Variants in SLC13A5 observed in about 807,000 individuals in gnomAD.
SLC13A5 encodes the protein Na(+)/citrate cotransporter.
A neutral mutation model predicts 56.5 loss-of-function variants in SLC13A5; 25 were observed. The observed-to-expected ratio is 0.44, with a 90% CI of 0.32 to 0.62. The LOEUF (loss-of-function observed/expected upper bound fraction) is 0.62. Ranked by LOEUF, SLC13A5 falls within the 20% of genes least tolerant of loss-of-function variation. The pLI is 0.04. For missense variants in SLC13A5, 649 were observed against 737.8 expected, an observed-to-expected ratio of 0.88 and a Z score of 1.39; for synonymous variants, 307 against 301.5, an observed-to-expected ratio of 1.02 and a Z score of -0.19.
At chr17:6,706,381 C>A (rs775438248) in intron 3 of SLC13A5, among the ~76,000 whole-genome samples, 2 of 152,192 alleles carry the variant, frequency 1.3e-5, no homozygotes, top group African/African-American at 2.4e-5. Context: ...CCCCAGAAAG[C>A]CTTCCAAGCC....
chr17:6,686,056 G>A lies in SLC13A5; in HGVS notation c.*151C>T, dbSNP rs1160734285. 1.8e-6 allele frequency: 2 copies of A among 1,089,586 alleles called. No homozygotes were observed. Among genetic ancestry groups the A allele is most frequent in the Non-Finnish European group, 2.7e-6 (2 of 750,832 alleles). The allele number at this position is 1,089,586 out of a possible 1,614,324, so 67.5% of individuals were successfully genotyped here. The stretch of plus-strand genomic sequence containing the variant: ...ACCATCTCTGCATCTGGGCTTGGAG[G>A]AAGAGGTGGCCCATTGGCTGGGTTT... On this transcript the variant is annotated 3_prime_UTR_variant, in exon 12 of 12. Transcript: ENST00000433363.
intron 7 of SLC13A5, chr17:6,695,369 A>C: frequency 6.8e-5 from 13 of 192,278 alleles, no homozygotes; most frequent in Non-Finnish European, 1.1e-4. Context: ...TTTAGGCACT[A>C]GTGCACTAAG....
Position 6,707,069 on chromosome 17 carries a change from C to T in SLC13A5, c.190G>A (p.Val64Ile), listed in dbSNP as rs376024540. The T allele has an allele frequency of 6.2e-7, 1 of 1,614,088 alleles. No homozygotes were observed. The highest frequency in any genetic ancestry group is 1.3e-5 in the African/African-American group (1 of 75,050). ...IPLAVTSLMP[V>I]LLFPLFQILD... Reference sequence around the variant, plus strand: ...ATCTGGAAGAGTGGGAAAAGCAAGACAGGCATGAGAGAGGTGACAGCCAGA... The same window carrying T: ...ATCTGGAAGAGTGGGAAAAGCAAGATAGGCATGAGAGAGGTGACAGCCAGA... The change falls in exon 2 of 12, where the codon GTC (valine) becomes ATC (isoleucine). Residue 64 changes from valine to isoleucine, a missense_variant. Coordinates refer to ENST00000433363, the MANE Select transcript of SLC13A5 (RefSeq NM_177550.5).
intron 6 of SLC13A5, among the ~76,000 whole-genome samples, chr17:6,697,867 G>A (rs1973602390): frequency 6.6e-6 from 1 of 152,172 alleles, no homozygotes; most frequent in African/African-American, 2.4e-5. Flanking sequence ...TAGTTGTTCT[G>A]GATTAGGCTA....
Position 6,695,827 on chromosome 17 carries a change from G to A in SLC13A5, c.954C>T (p.Asn318=), listed in dbSNP as rs764495638. ...KLGPLSFAEI[N]VLICFFLLVI... ...CCAGCAGGAAGAAGCAGATCAGCAC[G>A]TTGATCTCCGCGAAGGACAAGGGCC... The change falls in exon 7 of 12, where the codon AAC becomes AAT. Residue 318 remains asparagine (N), a synonymous_variant. Coordinates refer to ENST00000433363, the MANE Select transcript of SLC13A5 (RefSeq NM_177550.5). 20 of 1,614,068 alleles carry A rather than the reference G, an allele frequency of 1.2e-5. No individual in the cohort carries two copies. Among genetic ancestry groups the A allele is most frequent in the Admixed American group, 1.7e-5 (1 of 60,002 alleles).
chr17:6,704,041 G>A lies in SLC13A5; in HGVS notation c.384C>T (p.Phe128=). 1 of 1,612,030 alleles carries A rather than the reference G, an allele frequency of 6.2e-7. No individual in the cohort carries two copies. Among genetic ancestry groups the A allele is most frequent in the Non-Finnish European group, 8.5e-7 (1 of 1,179,092 alleles). Residue 128 remains phenylalanine (F), a synonymous_variant, in exon 4 of 12, where the codon TTC becomes TTT. Coordinates refer to ENST00000433363, the MANE Select transcript of SLC13A5 (RefSeq NM_177550.5). ...GAKPARLMLG[F]MGVTALLSMW... ...TGGACAGGAGGGCTGTGACGCCCAT[G>A]AAGCCCAGCATCAGCCTGCAGAGGA... is the stretch of plus-strand genomic sequence containing the variant.
chr17:6,699,992 T>A (rs1292414515), intron 6 of SLC13A5, among the ~76,000 whole-genome samples: 2 of 152,178 alleles, frequency 1.3e-5, no homozygotes, highest in Non-Finnish European at 2.9e-5. Context: ...CCCCACAAAA[T>A]CACAGGTTTC....
intron 6 of SLC13A5, among the ~76,000 whole-genome samples, chr17:6,698,350 G>T (rs1219854609): frequency 6.6e-6 from 1 of 152,254 alleles, no homozygotes; most frequent in Non-Finnish European, 1.5e-5. Flanking sequence ...TCAGCTTCAG[G>T]TTCTGGCTGT....
At position 6,687,990 on chromosome 17, in the gene SLC13A5, G is replaced by T; in HGVS notation, c.1438-324C>A. On this transcript the variant is annotated intron_variant, in intron 10 of 11. Coordinates refer to ENST00000433363, the MANE Select transcript of SLC13A5 (RefSeq NM_177550.5). This position sits in a 1 kb window ranked among gnomAD's most constrained non-coding sequence, Gnocchi z 5.0. Reference sequence around the variant, plus strand: ...CAGTGCCGCGTGCACATGTCTGTCTGTCTTGCCACAGACTGAGAGAGCCTA... The same window carrying T: ...CAGTGCCGCGTGCACATGTCTGTCTTTCTTGCCACAGACTGAGAGAGCCTA... The T allele has an allele frequency of 5.2e-6, 1 of 193,262 alleles. No individual in the cohort carries two copies. The highest frequency in any genetic ancestry group is 1.0e-5 in the Non-Finnish European group (1 of 95,448). The allele number at this position is 193,262 out of a possible 1,614,324, so 12.0% of individuals were successfully genotyped here. A position where few individuals can be genotyped will look rare whatever the true frequency, so the allele number is the denominator to read the frequency against.
At chr17:6,686,453 T>C in intron 11 of SLC13A5, 115 bp from the exon 12 acceptor site, 3 of 1,386,628 alleles carry the variant, frequency 2.2e-6, no homozygotes, top group Non-Finnish European at 3.0e-6. Context: ...GCTCTGTCCC[T>C]GGCTGGGGTG....
At chr17:6,690,516 A>G (rs1973377733) in intron 10 of SLC13A5, among the ~76,000 whole-genome samples, 2 of 152,140 alleles carry the variant, frequency 1.3e-5, no homozygotes, top group Admixed American at 6.5e-5. Context: ...AAATAATCCA[A>G]TTAGATTTAT....
At chr17:6,694,965 T>G (rs1973518434) in intron 7 of SLC13A5, among the ~76,000 whole-genome samples, 1 of 152,248 alleles carries the variant, frequency 6.6e-6, no homozygotes, top group South Asian at 2.1e-4. Flanking sequence ...AAACTACATG[T>G]ACCCCCTTTG....
At chr17:6,693,222 CA>C in intron 8 of SLC13A5, 60 bp from the exon 9 acceptor site, 1 of 853,830 alleles carries the variant, frequency 1.2e-6, no homozygotes, top group Non-Finnish European at 1.8e-6. Flanking sequence ...CACACACACA[CA>C]CACACACCAG....
intron 1 of SLC13A5, among the ~76,000 whole-genome samples, chr17:6,709,744 T>C (rs1205759715): frequency 6.6e-6 from 1 of 152,134 alleles, no homozygotes; most frequent in African/African-American, 2.4e-5. Context: ...GTCAGGGTTG[T>C]GTTATCAGCC....
At chr17:6,686,507 C>T in intron 11 of SLC13A5, 169 bp from the exon 12 acceptor site, 1 of 735,220 alleles carries the variant, frequency 1.4e-6, no homozygotes, top group East Asian at 2.8e-5. Flanking sequence ...CCCAGGTATC[C>T]TCAGTGCTCA....
In SLC13A5 at chr17:6,704,117, G is replaced by A. The variant is rs267605026; in HGVS notation, c.369-61C>T. The A allele has an allele frequency of 3.9e-6, 6 of 1,541,790 alleles. No homozygotes were observed. The Admixed American group carries it at 5.8e-5, about 15-fold the overall frequency. On this transcript the variant is annotated intron_variant, in intron 3 of 11. Transcript: ENST00000433363. ...CCCCACCCCACCCCCGTACTCCCTG[G>A]GAAGCAACTGGGGACTGGGTCCACC...
rs767494569 is a variant in SLC13A5, at chr17:6,711,783, G to C, written c.102+1449C>G. On this transcript the variant is annotated intron_variant, in intron 1 of 11. Coordinates refer to ENST00000433363, the MANE Select transcript of SLC13A5 (RefSeq NM_177550.5). The surrounding 1 kb of genome is among the most constrained non-coding windows in gnomAD (Gnocchi z 4.0). Reference sequence around the variant, plus strand: ...CAGCCAAGCTACTATAATCATTCCAGGGAACATCACTCCCTACCAGCAGAG... The same window carrying C: ...CAGCCAAGCTACTATAATCATTCCACGGAACATCACTCCCTACCAGCAGAG... 2.1e-4 allele frequency among the ~76,000 whole-genome samples: 32 copies of C among 151,994 alleles called. No individual in the cohort carries two copies. Among genetic ancestry groups the C allele is most frequent in the South Asian group, 4.1e-4 (2 of 4,822 alleles).
Position 6,711,941 on chromosome 17 carries a change from C to T in SLC13A5, c.102+1291G>A, listed in dbSNP as rs952724486. Among the ~76,000 whole-genome samples the T allele has an allele frequency of 6.6e-6, 1 of 152,152 alleles. No homozygotes were observed. The highest frequency in any genetic ancestry group is 1.9e-4 in the East Asian group (1 of 5,190). On this transcript the variant is annotated intron_variant, in intron 1 of 11. Coordinates refer to ENST00000433363, the MANE Select transcript of SLC13A5 (RefSeq NM_177550.5). The surrounding 1 kb of genome is among the most constrained non-coding windows in gnomAD (Gnocchi z 4.0). ...AGCCTCCACAGTTGGATCTGCTGTC[C>T]TTGACCCATCCAGGGCCTGTGCTAG...
At chr17:6,706,953 C>T (rs749886671) in intron 2 of SLC13A5, 75 bp downstream of exon 2, 5 of 1,594,412 alleles carry the variant, frequency 3.1e-6, no homozygotes, top group African/African-American at 1.3e-5. Context: ...CAGGCCTGTG[C>T]GACTCACAGT....
Sources: allele counts gnomAD v4.1 joint callset (sites outside exome capture counted in the v4.1 genomes callset), GRCh38; gene constraint gnomAD v4.1.1; non-coding constraint Gnocchi (gnomAD v3.1); transcripts MANE v1.5; gene names NCBI Gene and HGNC (gene_info 2026-07-23, HGNC 2026-07-21).